Variants in NRXN3 observed in about 807,000 individuals in gnomAD.
The protein encoded by NRXN3 is neurexin III.
In NRXN3, 32 loss-of-function variants were observed where a neutral mutation model predicts 137.6. The observed-to-expected ratio is 0.23, with a 90% confidence interval of 0.18 to 0.31. The LOEUF is 0.31. Ranked by LOEUF, NRXN3 falls within the 10% of genes least tolerant of loss-of-function variation. The pLI, the probability that NRXN3 is intolerant of heterozygous loss-of-function variation, is 1.00. For missense variants in NRXN3, 1,574 were observed against 2,062.5 expected (o/e 0.76, Z 4.59); for synonymous variants, 798 against 784.5 (o/e 1.02, Z -0.29).
intron 15 of NRXN3, among the ~76,000 whole-genome samples, chr14:79,431,422 CA>C (rs1001287492): frequency 7.9e-5 from 12 of 152,174 alleles, no homozygotes; most frequent in African/African-American, 2.6e-4. Context: ...TATGCTGACC[CA>C]AAATGAAGTC....
chr14:79,829,989 C>T (rs1377880784), intron 20 of NRXN3, among the ~76,000 whole-genome samples: 1 of 152,216 alleles, frequency 6.6e-6, no homozygotes, highest in African/African-American at 2.4e-5. Context: ...ACACTTGGAG[C>T]ATTTGAAAGA....
intron 15 of NRXN3, among the ~76,000 whole-genome samples, chr14:79,054,221 T>G: frequency 6.6e-6 from 1 of 150,760 alleles, no homozygotes; most frequent in East Asian, 2.0e-4. Flanking sequence ...AATGATGAGT[T>G]AATGGGTGCA....
intron 8 of NRXN3, among the ~76,000 whole-genome samples, chr14:78,732,994 G>A (rs554434756): frequency 6.6e-6 from 1 of 152,242 alleles, no homozygotes; most frequent in East Asian, 1.9e-4. Context: ...GGGCTTTGAA[G>A]AATATGCACT....
At chr14:79,174,774 T>G in intron 15 of NRXN3, among the ~76,000 whole-genome samples, 1 of 151,978 alleles carries the variant, frequency 6.6e-6, no homozygotes, top group Non-Finnish European at 1.5e-5. Flanking sequence ...CTAAAGCAGA[T>G]GACTTAGAAA....
chr14:78,183,007 G>A (rs988656566), intron 1 of NRXN3, among the ~76,000 whole-genome samples: 1 of 152,250 alleles, frequency 6.6e-6, no homozygotes, highest in South Asian at 2.1e-4. Context: ...GACATCACCT[G>A]CTGGGTAATG....
chr14:78,368,386 T>A (rs4903752), intron 4 of NRXN3, among the ~76,000 whole-genome samples: 46,059 of 152,156 alleles, frequency 0.3, 8,389 homozygotes, highest in Admixed American at 0.41. Context: ...TTTATTTCTA[T>A]CATGTACATG....
At chr14:78,538,022 A>G (rs1029368679) in intron 4 of NRXN3, among the ~76,000 whole-genome samples, 15 of 152,126 alleles carry the variant, frequency 9.9e-5, no homozygotes, top group East Asian at 3.9e-4. Flanking sequence ...GCCTTGTACT[A>G]TAGTTTGAAG....
chr14:78,540,516 A>G (rs2096579658), intron 4 of NRXN3, among the ~76,000 whole-genome samples: 1 of 145,500 alleles, frequency 6.9e-6, no homozygotes, highest in Non-Finnish European at 1.5e-5. Context: ...GCATCTTTGC[A>G]CATGAGATGG....
intron 4 of NRXN3, among the ~76,000 whole-genome samples, chr14:78,312,789 T>C (rs980959463): frequency 9.9e-5 from 15 of 152,200 alleles, no homozygotes; most frequent in Admixed American, 9.8e-4. Context: ...TTCAGACTGT[T>C]TTGATCACGA....
intron 15 of NRXN3, chr14:79,280,635 A>T: frequency 8.3e-7 from 1 of 1,204,758 alleles, no homozygotes; most frequent in Non-Finnish European, 1.2e-6. Context: ...GGAATTTAAA[A>T]AAAATGAATT....
intron 10 of NRXN3, among the ~76,000 whole-genome samples, chr14:78,873,499 G>A (rs1444730425): frequency 1.3e-5 from 2 of 152,024 alleles, no homozygotes; most frequent in Admixed American, 6.6e-5. Flanking sequence ...ACATGAGTGT[G>A]GCCTTTATTC....
At chr14:78,439,388 T>C (rs1387499538) in intron 4 of NRXN3, among the ~76,000 whole-genome samples, 1 of 152,220 alleles carries the variant, frequency 6.6e-6, no homozygotes, top group Non-Finnish European at 1.5e-5. Flanking sequence ...CGTGGTAATG[T>C]CTACAGCACA....
chr14:78,454,490 A>G (rs1020691260), intron 4 of NRXN3, among the ~76,000 whole-genome samples: 5 of 152,314 alleles, frequency 3.3e-5, no homozygotes, highest in African/African-American at 1.2e-4. Flanking sequence ...TGGAATGGTA[A>G]TGATATTTTT....
chr14:78,354,425 T>C (rs1245187880), intron 4 of NRXN3, among the ~76,000 whole-genome samples: 2 of 152,184 alleles, frequency 1.3e-5, no homozygotes, highest in Non-Finnish European at 2.9e-5. Flanking sequence ...TCCCAGCCTC[T>C]CCCATCTAGC....
chr14:79,676,302 CTAAAACCATG>C (rs1190326664), intron 17 of NRXN3, among the ~76,000 whole-genome samples: 1 of 151,412 alleles, frequency 6.6e-6, no homozygotes, highest in Non-Finnish European at 1.5e-5. Flanking sequence ...GTGCATATGC[CTAAAACCATG>C]TAGTATTTAA....
intron 2 of NRXN3, among the ~76,000 whole-genome samples, chr14:78,246,078 G>A (rs188666610): frequency 1.4e-4 from 22 of 152,310 alleles, no homozygotes; most frequent in Admixed American, 1.2e-3. Flanking sequence ...AACTTGTATT[G>A]AAAGCTGGCA....
intron 16 of NRXN3, among the ~76,000 whole-genome samples, chr14:79,604,485 T>C (rs1602852440): frequency 1.3e-5 from 2 of 151,998 alleles, no homozygotes; most frequent in South Asian, 4.2e-4. Context: ...TCCACCCGCC[T>C]TGGCCTCCAA....
chr14:78,551,415 G>A (rs1024371310), intron 4 of NRXN3, among the ~76,000 whole-genome samples: 3 of 152,084 alleles, frequency 2.0e-5, no homozygotes, highest in African/African-American at 7.2e-5. Flanking sequence ...TAAAGTTTGT[G>A]ATTTTTGTAG....
At chr14:79,321,783 A>G (rs2090068466) in intron 15 of NRXN3, among the ~76,000 whole-genome samples, 1 of 149,620 alleles carries the variant, frequency 6.7e-6, no homozygotes, top group Admixed American at 6.7e-5. Flanking sequence ...TATATGTATA[A>G]ATAACTATAT....
Sources: allele counts gnomAD v4.1 joint callset (sites outside exome capture counted in the v4.1 genomes callset), GRCh38; gene constraint gnomAD v4.1.1; transcripts MANE v1.5; gene names NCBI Gene and HGNC (gene_info 2026-07-23, HGNC 2026-07-21).